CNTNAP5: variants seen among roughly 807,000 people sequenced by gnomAD.
CNTNAP5 encodes the protein contactin-associated protein-like 5.
CNTNAP5 carries 72 observed loss-of-function variants against 150.2 expected under a neutral mutation model. The observed-to-expected ratio is 0.48, with a 90% CI of 0.40 to 0.58. CNTNAP5 has a LOEUF of 0.58. Ranked by LOEUF, CNTNAP5 falls within the 20% of genes least tolerant of loss-of-function variation. The pLI, the probability that CNTNAP5 is intolerant of heterozygous loss-of-function variation, is 0.00. For synonymous variants in CNTNAP5, 672 were observed against 619.8 expected, an observed-to-expected ratio of 1.08 and a Z score of -1.25; for missense variants, 1,636 against 1,626.2, an observed-to-expected ratio of 1.01 and a Z score of -0.10.
intron 7 of CNTNAP5, among the ~76,000 whole-genome samples, chr2:124,493,761 A>G (rs899893345): frequency 5.9e-5 from 9 of 152,068 alleles, no homozygotes; most frequent in Non-Finnish European, 1.0e-4. Context: ...TTATTTGTTG[A>G]TGGTACTTTC....
chr2:124,091,055 A>G (rs1269410488), intron 1 of CNTNAP5, among the ~76,000 whole-genome samples: 1 of 152,190 alleles, frequency 6.6e-6, no homozygotes, highest in African/African-American at 2.4e-5. Flanking sequence ...TAGGGTTTGG[A>G]TGCATGAGGA....
chr2:124,299,867 A>C lies in CNTNAP5; in HGVS notation c.381+57474A>C, dbSNP rs1197974393. Among the ~76,000 whole-genome samples, 5 of 152,194 alleles carry C rather than the reference A, an allele frequency of 3.3e-5. No homozygotes were observed. In the East Asian group the frequency reaches 9.6e-4, roughly 29 times the overall value. ...CCTGGTGTCTGAGGTCACAAAGACC[A>C]TGGTGAAGGGAAGGACTAATGGATG... On this transcript the variant is annotated intron_variant, in intron 3 of 23. Coordinates refer to ENST00000682447, the MANE Select transcript of CNTNAP5 (RefSeq NM_001367498.1).
chr2:124,518,099 T>C (rs1694770303), intron 8 of CNTNAP5, among the ~76,000 whole-genome samples: 1 of 152,092 alleles, frequency 6.6e-6, no homozygotes, highest in Admixed American at 6.5e-5. Flanking sequence ...CAGTCCAGAA[T>C]ACCCAGGGCC....
At chr2:124,731,954 C>A (rs1680281221) in intron 13 of CNTNAP5, among the ~76,000 whole-genome samples, 1 of 151,854 alleles carries the variant, frequency 6.6e-6, no homozygotes, top group Admixed American at 6.6e-5. Context: ...ACACAGCATA[C>A]CCTCCTTCCA....
chr2:124,506,793 C>G (rs776569475), intron 8 of CNTNAP5, among the ~76,000 whole-genome samples: 3 of 152,076 alleles, frequency 2.0e-5, no homozygotes, highest in South Asian at 2.1e-4. Context: ...GACAACTTGG[C>G]TGGGTGACTG....
At chr2:124,365,366 T>A (rs1014886205) in intron 3 of CNTNAP5, among the ~76,000 whole-genome samples, 1 of 151,786 alleles carries the variant, frequency 6.6e-6, no homozygotes, top group Middle Eastern at 3.2e-3. Context: ...GGAAGAATAC[T>A]TGCGGGAATC....
chr2:124,297,811 TTATTA>T (rs201739461), intron 3 of CNTNAP5, among the ~76,000 whole-genome samples: 3,506 of 14,666 alleles, frequency 0.24, 55 homozygotes, highest in Admixed American at 0.28. Flanking sequence ...ATCCAATTAT[TTATTA>T]TTATTATTAT....
At chr2:124,115,341 A>T (rs779820225) in intron 1 of CNTNAP5, among the ~76,000 whole-genome samples, 6 of 152,168 alleles carry the variant, frequency 3.9e-5, no homozygotes, top group Non-Finnish European at 7.3e-5. Context: ...TTTATTAATC[A>T]CCAGGCTTAG....
intron 7 of CNTNAP5, among the ~76,000 whole-genome samples, chr2:124,482,034 G>A (rs1034253949): frequency 6.6e-6 from 1 of 152,124 alleles, no homozygotes; most frequent in Non-Finnish European, 1.5e-5. Context: ...ATCTTCAAGT[G>A]CTTTTTAAAA....
chr2:124,694,953 T>C (rs979075946), intron 13 of CNTNAP5, among the ~76,000 whole-genome samples: 13 of 152,026 alleles, frequency 8.6e-5, no homozygotes, highest in Non-Finnish European at 1.5e-4. Flanking sequence ...CTTTGGCGAG[T>C]CAAATAATAG....
chr2:124,063,919 C>A (rs1186843219), intron 1 of CNTNAP5, among the ~76,000 whole-genome samples: 1 of 152,108 alleles, frequency 6.6e-6, no homozygotes, highest in Non-Finnish European at 1.5e-5. Context: ...AGATGAAAAG[C>A]AAAATCTGCT....
At chr2:124,232,635 C>A (rs1447327665) in intron 2 of CNTNAP5, among the ~76,000 whole-genome samples, 2 of 152,136 alleles carry the variant, frequency 1.3e-5, no homozygotes, top group African/African-American at 2.4e-5. Flanking sequence ...TTTTGAGTAT[C>A]TCACTCCTTG....
intron 1 of CNTNAP5, among the ~76,000 whole-genome samples, chr2:124,139,668 C>T (rs538851942): frequency 1.3e-5 from 2 of 152,318 alleles, no homozygotes; most frequent in South Asian, 4.1e-4. Context: ...CCTTCGGTCT[C>T]TCATTAGTGC....
At chr2:124,253,867 G>C (rs1475216643) in intron 3 of CNTNAP5, among the ~76,000 whole-genome samples, 1 of 151,684 alleles carries the variant, frequency 6.6e-6, no homozygotes, top group Non-Finnish European at 1.5e-5. Flanking sequence ...ATGGGGAAGG[G>C]GGATTTTTAA....
At chr2:124,274,190 C>A (rs1205950794) in intron 3 of CNTNAP5, among the ~76,000 whole-genome samples, 1 of 151,832 alleles carries the variant, frequency 6.6e-6, no homozygotes. Flanking sequence ...TATGTTATAC[C>A]AAGAGCACAC....
intron 17 of CNTNAP5, among the ~76,000 whole-genome samples, chr2:124,789,604 G>A (rs1307469851): frequency 3.9e-5 from 6 of 152,098 alleles, no homozygotes; most frequent in East Asian, 1.9e-4. Context: ...CCCTCTTTGC[G>A]TCCAAGTGTT....
intron 1 of CNTNAP5, among the ~76,000 whole-genome samples, chr2:124,192,116 A>G (rs1558794471): frequency 6.6e-6 from 1 of 152,108 alleles, no homozygotes; most frequent in Admixed American, 6.5e-5. Flanking sequence ...TTGCAGATCC[A>G]CATGCTCCAT....
At chr2:124,784,608 A>G (rs1451529266) in intron 17 of CNTNAP5, among the ~76,000 whole-genome samples, 2 of 152,326 alleles carry the variant, frequency 1.3e-5, no homozygotes, top group East Asian at 1.9e-4. Flanking sequence ...CCCAGAGAAT[A>G]AATGCATGCT....
chr2:124,075,944 T>C (rs1573736163), intron 1 of CNTNAP5, among the ~76,000 whole-genome samples: 1 of 152,252 alleles, frequency 6.6e-6, no homozygotes, highest in East Asian at 1.9e-4. Context: ...ACCTAAACTG[T>C]GATAAGTAAA....
Sources: gnomAD v4.1 joint callset for allele counts (sites outside exome capture counted in the v4.1 genomes callset) on GRCh38, gnomAD v4.1.1 for gene constraint, MANE v1.5 for transcripts, NCBI Gene and HGNC (gene_info 2026-07-23, HGNC 2026-07-21) for gene names.